UNC45A: variants seen among roughly 807,000 people sequenced by gnomAD.
The protein encoded by UNC45A is protein unc-45 homolog A.
In UNC45A, 78 loss-of-function variants were observed where a neutral mutation model predicts 103.2. The ratio of observed to expected loss-of-function variants is 0.76; its 90% confidence interval spans 0.63 to 0.91. UNC45A has a LOEUF of 0.91. Among genes scored for constraint, UNC45A ranks in the 40% least tolerant of loss-of-function variants. The probability of loss-of-function intolerance (pLI) is 0.00; values close to 1 mark genes in which losing one functional copy is unlikely to be tolerated. For synonymous variants in UNC45A, 495 were observed against 504.6 expected (o/e 0.98, Z 0.25); for missense variants, 1,193 against 1,224.8 (o/e 0.97, Z 0.39).
upstream of UNC45A, chr15:90,932,689 G>C (rs1227786799): frequency 4.7e-6 from 2 of 427,744 alleles, no homozygotes; most frequent in East Asian, 3.6e-5. Context: ...GGAGCTGACC[G>C]GCCCGCGCAG....
In UNC45A at chr15:90,942,610, G is replaced by C; in HGVS notation, c.856+5G>C. ...AAGAAGGTGCCATCATTGTGGGTGA[G>C]TGGAAGCAGGTCTGGGGTCTTTTGG... On this transcript the variant is annotated splice_donor_5th_base_variant and intron_variant, in intron 7 of 19. Coordinates refer to ENST00000418476, the MANE Select transcript of UNC45A (RefSeq NM_018671.5). The C allele has an allele frequency of 6.2e-7, 1 of 1,614,218 alleles. No individual in the cohort carries two copies. Among genetic ancestry groups the C allele is most frequent in the Non-Finnish European group, 8.5e-7 (1 of 1,180,046 alleles).
intron 17 of UNC45A, among the ~76,000 whole-genome samples, chr15:90,951,089 C>G (rs528853652): frequency 6.6e-6 from 1 of 152,158 alleles, no homozygotes; most frequent in Admixed American, 6.5e-5. Context: ...CTCACCGCAA[C>G]CTCTGCCTCC....
Position 90,939,881 on chromosome 15 carries a change from G to C in UNC45A, c.519+58G>C, listed in dbSNP as rs190812428. On this transcript the variant is annotated intron_variant, in intron 5 of 19. Transcript: ENST00000418476. Reference sequence around the variant, plus strand: ...TCCCACTAGAGCCACCCATCCATAGGCCCCCGAAGCCACTGCTGCCTTGCT... The same window carrying C: ...TCCCACTAGAGCCACCCATCCATAGCCCCCCGAAGCCACTGCTGCCTTGCT... The C allele has an allele frequency of 1.3e-5, 18 of 1,407,396 alleles. No individual in the cohort carries two copies. The East Asian group carries it at 1.8e-4, about 14-fold the overall frequency. The allele number at this position is 1,407,396 out of a possible 1,614,324, so 87.2% of individuals were successfully genotyped here.
upstream of UNC45A, chr15:90,935,259 T>A (rs1370728877): frequency 5.4e-6 from 8 of 1,488,264 alleles, no homozygotes; most frequent in African/African-American, 2.8e-5. Flanking sequence ...GCCGGTGGCG[T>A]CCCGAACCCA....
In UNC45A at chr15:90,935,341, C is replaced by A; in HGVS notation, c.17C>A (p.Pro6Gln). ...CTCTCCGCGATGACTGTGAGTGGTC[C>A]AGGGACCCCCGAGCCCCGGCCGGCC... MTVSG[P>Q]GTPEPRPATP... The change falls in exon 1 of 20, where the codon CCA (proline) becomes CAA (glutamine). Residue 6 changes from proline (P) to glutamine (Q), a missense_variant. By Grantham distance (76) the Pro-to-Gln change is moderately conservative. Coordinates refer to ENST00000418476, the MANE Select transcript of UNC45A (RefSeq NM_018671.5). The A allele has an allele frequency of 6.2e-7, 1 of 1,604,640 alleles. No homozygotes were observed. The highest frequency in any genetic ancestry group is 1.1e-5 in the South Asian group (1 of 90,390).
chr15:90,935,586 T>C lies in UNC45A; in HGVS notation c.94T>C (p.Phe32Leu). 1.2e-6 allele frequency: 2 copies of C among 1,613,160 alleles called. No individual in the cohort carries two copies. The highest frequency in any genetic ancestry group is 1.7e-6 in the Non-Finnish European group (2 of 1,179,630). ...GCTGCGGAAGGAGGGCAATGAGCTG[T>C]TCAAATGTGGAGACTACGGGGGCGC... ...EQLRKEGNEL[F>L]KCGDYGGALA... Residue 32 changes from phenylalanine (F) to leucine (L), a missense_variant, in exon 2 of 20, where the codon TTC (phenylalanine) becomes CTC (leucine). Physicochemically the swap from Phe to Leu is conservative, Grantham distance 22. Coordinates refer to ENST00000418476, the MANE Select transcript of UNC45A (RefSeq NM_018671.5).
chr15:90,950,409 A>G (rs1458138768), intron 16 of UNC45A, 91 bp from the exon 17 acceptor site: 8 of 1,477,728 alleles, frequency 5.4e-6, no homozygotes, highest in Admixed American at 1.9e-5. Context: ...AGACAGCAGT[A>G]CTCTCTTGGG....
chr15:90,932,345 A>T, upstream of UNC45A: 1 of 875,820 alleles, frequency 1.1e-6, no homozygotes, highest in East Asian at 3.1e-5. Context: ...ACAGGTGCTC[A>T]ATGAGGTGCA....
rs2036753799 is a variant in UNC45A at position 90,949,244 on chromosome 15, C to T, written c.1879-72C>T. ...GTTTTATTTCCCAGTTCCTCAATTA[C>T]TGCTGTGAGAAGGGTCCCCCTTTCT... On this transcript the variant is annotated intron_variant, in intron 13 of 19. Coordinates refer to ENST00000418476, the MANE Select transcript of UNC45A (RefSeq NM_018671.5). The T allele has an allele frequency of 1.9e-6, 3 of 1,543,130 alleles. No homozygotes were observed. The African/African-American group carries it at 4.1e-5, about 21-fold the overall frequency.
chr15:90,940,428 G>A lies in UNC45A; in HGVS notation c.642G>A (p.Ala214=), dbSNP rs769230152. The change falls in exon 6 of 20, where the codon GCG becomes GCA. Residue 214 remains alanine (A), a synonymous_variant. Transcript: ENST00000418476. ...LDMGETDLML[A]ALRTLVGICS... is the part of the protein sequence containing the mutation. Reference sequence around the variant, plus strand: ...TGGGAGAGACTGACCTCATGCTGGCGGCTCTGCGTACGCTGGTTGGCATTT... The same window carrying A: ...TGGGAGAGACTGACCTCATGCTGGCAGCTCTGCGTACGCTGGTTGGCATTT... 2.7e-5 allele frequency: 44 copies of A among 1,613,918 alleles called. 2 individuals carry two copies. The highest frequency in any genetic ancestry group is 2.2e-4 in the South Asian group (20 of 91,076).
chr15:90,953,118 C>G, intron 18 of UNC45A, 37 bp from the exon 19 acceptor site: 1 of 1,612,958 alleles, frequency 6.2e-7, no homozygotes, highest in Non-Finnish European at 8.5e-7. Flanking sequence ...GGCTTTACAC[C>G]CAACTGACTT....
intron 8 of UNC45A, among the ~76,000 whole-genome samples, chr15:90,944,518 T>C (rs2036463127): frequency 6.6e-6 from 1 of 152,150 alleles, no homozygotes; most frequent in Non-Finnish European, 1.5e-5. Flanking sequence ...TTCACAGTGG[T>C]CCCACGAGGT....
upstream of UNC45A, chr15:90,932,546 G>A: frequency 8.0e-7 from 1 of 1,253,930 alleles, no homozygotes; most frequent in Non-Finnish European, 1.0e-6. Context: ...CCCATCGCGC[G>A]GATGGGGCCG....
intron 6 of UNC45A, among the ~76,000 whole-genome samples, chr15:90,941,184 C>G (rs949317272): frequency 5.9e-5 from 9 of 152,150 alleles, no homozygotes; most frequent in Non-Finnish European, 1.3e-4. Flanking sequence ...AGCTCATGGC[C>G]CAGAATGTGC....
At chr15:90,938,858 G>A (rs1156905802) in intron 4 of UNC45A, among the ~76,000 whole-genome samples, 1 of 151,502 alleles carries the variant, frequency 6.6e-6, no homozygotes, top group Non-Finnish European at 1.5e-5. Context: ...TTTTAGTAGA[G>A]ACGGGGTTTC....
At chr15:90,950,663 G>C (rs1181417363) in intron 17 of UNC45A, 48 bp downstream of exon 17, 7 of 1,575,346 alleles carry the variant, frequency 4.4e-6, no homozygotes, top group African/African-American at 1.3e-5. Context: ...TCGGGATTCG[G>C]AATATCCCCC....
rs1445317912 is a variant in UNC45A at position 90,940,497 on chromosome 15, T to C, written c.687+24T>C. The C allele has an allele frequency of 2.5e-6, 4 of 1,599,698 alleles. No individual in the cohort carries two copies. The South Asian group carries it at 4.5e-5, about 18-fold the overall frequency. ...GGGTAGGTGGAGTGGAGAGGCTGGT[T>C]ACAGCTTCAGTCCCTTTGTCTGTCT... is the stretch of plus-strand genomic sequence containing the variant. On this transcript the variant is annotated intron_variant, in intron 6 of 19. Coordinates refer to ENST00000418476, the MANE Select transcript of UNC45A (RefSeq NM_018671.5).
chr15:90,952,617 G>A (rs974360867), intron 17 of UNC45A: 1 of 307,230 alleles, frequency 3.3e-6, no homozygotes, highest in Non-Finnish European at 6.3e-6. Flanking sequence ...TAGAGACAAG[G>A]TTTCACCATG....
chr15:90,942,968 G>T lies in UNC45A; in HGVS notation c.913G>T (p.Val305Leu), dbSNP rs772371024. ...TAACCTCTTAGATCTGCTGACAGAG[G>T]TGGGGGTCTCTGGCCAAGGCCGAGA... The part of the protein sequence containing the change: ...ISNLLDLLTE[V>L]GVSGQGRDNA... The change falls in exon 8 of 20, where the codon GTG becomes TTG. Residue 305 changes from valine to leucine, a missense_variant. Coordinates refer to ENST00000418476, the MANE Select transcript of UNC45A (RefSeq NM_018671.5). 9 of 1,614,194 alleles carry T rather than the reference G, an allele frequency of 5.6e-6. No individual in the cohort carries two copies. The highest frequency in any genetic ancestry group is 7.6e-6 in the Non-Finnish European group (9 of 1,180,020).
Sources: gnomAD v4.1 joint callset for allele counts (sites outside exome capture counted in the v4.1 genomes callset) on GRCh38, gnomAD v4.1.1 for gene constraint, MANE v1.5 for transcripts, NCBI Gene and HGNC (gene_info 2026-07-23, HGNC 2026-07-21) for gene names.